The following PRDM6 variants were observed in gnomAD, a reference collection of about 807,000 sequenced individuals.
PRDM6 encodes PR/SET domain 6.
A neutral mutation model predicts 60.8 loss-of-function variants in PRDM6; 25 were observed. The observed-to-expected ratio is 0.41, with a 90% CI of 0.30 to 0.57. The LOEUF is 0.57. Ranked by LOEUF, PRDM6 falls within the 20% of genes least tolerant of loss-of-function variation. The pLI, the probability that PRDM6 is intolerant of heterozygous loss-of-function variation, is 0.27. For missense variants in PRDM6, 839 were observed against 821.3 expected (o/e 1.02, Z -0.26); for synonymous variants, 407 against 357.4 (o/e 1.14, Z -1.57).
chr5:123,118,928 A>T (rs1369917381), intron 3 of PRDM6, among the ~76,000 whole-genome samples: 1 of 152,178 alleles, frequency 6.6e-6, no homozygotes, highest in Non-Finnish European at 1.5e-5. Context: ...AAATGAATGC[A>T]TCTTGCTAGA....
At chr5:123,108,186 CTG>C (rs1372445847) in intron 3 of PRDM6, among the ~76,000 whole-genome samples, 2 of 152,110 alleles carry the variant, frequency 1.3e-5, no homozygotes, top group Admixed American at 1.3e-4. Flanking sequence ...TTTTCACTCT[CTG>C]TGGTCATTTT....
chr5:123,093,823 G>A (rs1344842954), intron 2 of PRDM6, among the ~76,000 whole-genome samples: 1 of 152,060 alleles, frequency 6.6e-6, no homozygotes, highest in East Asian at 1.9e-4. Context: ...GTAGCATCCC[G>A]GCTGTTCTCT....
intron 4 of PRDM6, among the ~76,000 whole-genome samples, chr5:123,158,126 G>C (rs1765547753): frequency 6.6e-6 from 1 of 152,208 alleles, no homozygotes. Flanking sequence ...CTCGAAAACA[G>C]TTCTGCTCTT....
At chr5:123,162,967 C>A (rs1182338486) in intron 5 of PRDM6, among the ~76,000 whole-genome samples, 1 of 152,212 alleles carries the variant, frequency 6.6e-6, no homozygotes. Flanking sequence ...TAACAGATAG[C>A]CTTCCACAGC....
chr5:123,096,374 A>G (rs1763959821), intron 2 of PRDM6, among the ~76,000 whole-genome samples: 1 of 152,160 alleles, frequency 6.6e-6, no homozygotes, highest in South Asian at 2.1e-4. Context: ...GTAGGTGTTT[A>G]TACTCTGCTA....
chr5:123,142,848 C>A (rs1580513567), intron 3 of PRDM6, among the ~76,000 whole-genome samples: 1 of 27,640 alleles, frequency 3.6e-5, no homozygotes, highest in Non-Finnish European at 6.8e-5. Flanking sequence ...CAATTGCAAT[C>A]AAATTCAAAA....
At chr5:123,181,800 T>C (rs1185669526) in intron 7 of PRDM6, among the ~76,000 whole-genome samples, 1 of 152,196 alleles carries the variant, frequency 6.6e-6, no homozygotes, top group Admixed American at 6.5e-5. Context: ...GTGCTCAGCC[T>C]GAGGCCAGGC....
At chr5:123,093,272 G>A (rs868273687) in intron 2 of PRDM6, among the ~76,000 whole-genome samples, 1 of 152,124 alleles carries the variant, frequency 6.6e-6, no homozygotes, top group Non-Finnish European at 1.5e-5. Context: ...GGCGGGATGC[G>A]GGGGTGCCTC....
Position 123,099,974 on chromosome 5 carries a change from C to A in PRDM6, c.900+13C>A. On this transcript the variant is annotated intron_variant, in intron 3 of 7. Transcript: ENST00000407847. This position sits in a 1 kb window ranked among gnomAD's most constrained non-coding sequence, Gnocchi z 4.0. Reference sequence around the variant, plus strand: ...GCATCTCTGGGAGGTAAGTGGCCGGCTGCACAGCGCCTCCCCACCGAGCAG... The same window carrying A: ...GCATCTCTGGGAGGTAAGTGGCCGGATGCACAGCGCCTCCCCACCGAGCAG... 2.0e-6 allele frequency: 3 copies of A among 1,489,982 alleles called. No individual in the cohort carries two copies. Among genetic ancestry groups the A allele is most frequent in the South Asian group, 1.4e-5 (1 of 73,410 alleles). 92.3% of individuals were successfully genotyped at this position (1,489,982 alleles called of 1,614,324 possible).
chr5:123,106,134 G>A lies in PRDM6; in HGVS notation c.900+6173G>A, dbSNP rs561426643. Among the ~76,000 whole-genome samples, 8 of 152,360 alleles carry A rather than the reference G, an allele frequency of 5.3e-5. No homozygotes were observed. The East Asian group carries it at 9.6e-4, about 18-fold the overall frequency. ...AGAGGCCAATCAGTGCACCATAAAT[G>A]TCAGGTTAGTGAGATTGAGCAGTAA... On this transcript the variant is annotated intron_variant, in intron 3 of 7. Transcript: ENST00000407847.
chr5:123,101,201 C>A (rs1057296733), intron 3 of PRDM6, among the ~76,000 whole-genome samples: 2 of 152,112 alleles, frequency 1.3e-5, no homozygotes, highest in Admixed American at 1.3e-4. Flanking sequence ...TATATTAGGC[C>A]ATGGAGATAC....
intron 3 of PRDM6, among the ~76,000 whole-genome samples, chr5:123,118,940 T>G (rs897987440): frequency 4.6e-5 from 7 of 152,164 alleles, no homozygotes; most frequent in Non-Finnish European, 1.0e-4. Flanking sequence ...CTTGCTAGAT[T>G]TGGGAGCTAA....
At chr5:123,159,771 C>A (rs1234742363) in intron 5 of PRDM6, 133 bp downstream of exon 5, 19 of 886,810 alleles carry the variant, frequency 2.1e-5, no homozygotes, top group Non-Finnish European at 2.7e-5. Context: ...CAAGTCTATT[C>A]CATCGTTTTC....
At chr5:123,132,992 C>G (rs1261892536) in intron 3 of PRDM6, among the ~76,000 whole-genome samples, 1 of 151,978 alleles carries the variant, frequency 6.6e-6, no homozygotes, top group African/African-American at 2.4e-5. Context: ...TTTAATTCTC[C>G]TAGCTTGCAA....
Position 123,108,364 on chromosome 5 carries a change from A to C in PRDM6, c.900+8403A>C, listed in dbSNP as rs2150211353. ...ACCAAGAGCTAAATATTGTTAGCAC[A>C]CCTGGAAATATTAATGTTTATCACA... On this transcript the variant is annotated intron_variant, in intron 3 of 7. Coordinates refer to ENST00000407847, the MANE Select transcript of PRDM6 (RefSeq NM_001136239.4). Among the ~76,000 whole-genome samples the C allele has an allele frequency of 2.0e-5, 3 of 152,316 alleles. No individual in the cohort carries two copies. In the South Asian group the frequency reaches 6.2e-4, roughly 32 times the overall value.
chr5:123,105,532 T>C (rs1232055072), intron 3 of PRDM6, among the ~76,000 whole-genome samples: 1 of 152,238 alleles, frequency 6.6e-6, no homozygotes, highest in Admixed American at 6.5e-5. Context: ...TGATTGAATA[T>C]GAAAAACTAC....
At position 123,187,782 on chromosome 5, in the gene PRDM6, A is replaced by G. The variant is rs1304848374; in HGVS notation, c.*581A>G. The G allele has an allele frequency of 6.6e-6, 1 of 152,320 alleles. No individual in the cohort carries two copies. Among genetic ancestry groups the G allele is most frequent in the Non-Finnish European group, 1.5e-5 (1 of 68,122 alleles). The allele number at this position is 152,320 out of a possible 1,614,324, so 9.4% of individuals were successfully genotyped here. A position where few individuals can be genotyped will look rare whatever the true frequency, so the allele number is the denominator to read the frequency against. Reference sequence around the variant, plus strand: ...TGTCTTCCATGCTCACTGCTCATGCACTTTTTACACGGTTTCTTCCAAACA... The same window carrying G: ...TGTCTTCCATGCTCACTGCTCATGCGCTTTTTACACGGTTTCTTCCAAACA... On this transcript the variant is annotated 3_prime_UTR_variant, in exon 8 of 8. Coordinates refer to ENST00000407847, the MANE Select transcript of PRDM6 (RefSeq NM_001136239.4).
At chr5:123,180,394 C>A in intron 7 of PRDM6, 71 bp downstream of exon 7, 1 of 1,439,404 alleles carries the variant, frequency 6.9e-7, no homozygotes, top group Non-Finnish European at 9.4e-7. Flanking sequence ...TGCATCAGCA[C>A]AGTGCTGCCT....
At chr5:123,186,533 C>CTG (rs1766292816) in intron 7 of PRDM6, among the ~76,000 whole-genome samples, 1 of 152,190 alleles carries the variant, frequency 6.6e-6, no homozygotes, top group Non-Finnish European at 1.5e-5. Flanking sequence ...TTTGGTTAGG[C>CTG]TGTGACACTG....
Sources: allele counts gnomAD v4.1 joint callset (sites outside exome capture counted in the v4.1 genomes callset), GRCh38; gene constraint gnomAD v4.1.1; non-coding constraint Gnocchi (gnomAD v3.1); transcripts MANE v1.5; gene names NCBI Gene and HGNC (gene_info 2026-07-23, HGNC 2026-07-21).